The following MAPK10 variants were observed in gnomAD, a reference collection of about 807,000 sequenced individuals.
MAPK10 encodes JNK3 alpha protein kinase.
In MAPK10, 25 loss-of-function variants were observed where a neutral mutation model predicts 59.3. That is an observed-to-expected ratio of 0.42 (90% confidence interval 0.31 to 0.59). The LOEUF (loss-of-function observed/expected upper bound fraction) is 0.59. MAPK10 is among the 20% of genes least tolerant of loss of function. MAPK10 has a pLI of 0.15. For missense variants in MAPK10, 351 were observed against 568.9 expected (o/e 0.62, Z 3.90); for synonymous variants, 190 against 200.5 (o/e 0.95, Z 0.44).
At chr4:86,422,279 G>GATGA (rs1422878091) in intron 1 of MAPK10, among the ~76,000 whole-genome samples, 1 of 152,154 alleles carries the variant, frequency 6.6e-6, no homozygotes, top group Non-Finnish European at 1.5e-5. Flanking sequence ...TGAATGGATG[G>GATGA]ATGAATGAAT....
At chr4:86,255,956 C>A (rs2093689766) in intron 2 of MAPK10, among the ~76,000 whole-genome samples, 1 of 151,428 alleles carries the variant, frequency 6.6e-6, no homozygotes, top group African/African-American at 2.4e-5. Flanking sequence ...TATAATTATT[C>A]AATTAAAAAA....
chr4:86,491,857 A>T (rs1432652814), intron 1 of MAPK10, among the ~76,000 whole-genome samples: 1 of 151,970 alleles, frequency 6.6e-6, no homozygotes, highest in Non-Finnish European at 1.5e-5. Context: ...TGATTATTTT[A>T]TTTTATTTTT....
intron 1 of MAPK10, among the ~76,000 whole-genome samples, chr4:86,424,970 G>C (rs1252376890): frequency 1.3e-5 from 2 of 152,184 alleles, no homozygotes; most frequent in Non-Finnish European, 2.9e-5. Context: ...GAGCATCTCA[G>C]TGAACTGCCT....
rs17011355 is a variant in MAPK10 at position 86,097,507 on chromosome 4, T to A, written c.802+1017A>T. 7.2e-4 allele frequency among the ~76,000 whole-genome samples: 110 copies of A among 152,146 alleles called. 3 individuals are homozygous for A. In the East Asian group the frequency reaches 0.02, roughly 28 times the overall value. ...TTTCTTATCAATCAAATAGAATGGT[T>A]AATAGAGTTATGGGTCACATGGTTA... On this transcript the variant is annotated intron_variant, in intron 9 of 13. Coordinates refer to ENST00000641462, the MANE Select transcript of MAPK10 (RefSeq NM_138982.4).
At position 86,458,229 on chromosome 4, in the gene MAPK10, G is replaced by T. The variant is rs1300584227; in HGVS notation, c.-262-103585C>A. Among the ~76,000 whole-genome samples the T allele has an allele frequency of 2.0e-5, 3 of 152,196 alleles. No homozygotes were observed. In the East Asian group the frequency reaches 5.8e-4, roughly 29 times the overall value. ...GCAGGAGAATTGCTTGAACCTGGGA[G>T]GTGGAGGTTGCAGTGAGCCAAGATT... is the stretch of plus-strand genomic sequence containing the variant. On this transcript the variant is annotated intron_variant, in intron 1 of 4. Transcript: ENST00000502302.
At position 86,284,715 on chromosome 4, in the gene MAPK10, T is replaced by G. The variant is rs111784937; in HGVS notation, c.-7+69815A>C. On this transcript the variant is annotated intron_variant, in intron 2 of 13. Transcript: ENST00000641462. ...TGATTGTTATCAGAATTATTGTTGC[T>G]GTTGTCATCACTGATTCTGTCTCGA... Among the ~76,000 whole-genome samples the G allele has an allele frequency of 5.8e-3, 890 of 152,372 alleles. 4 individuals carry two copies. Among genetic ancestry groups the G allele is most frequent in the Non-Finnish European group, 0.011 (715 of 68,046 alleles).
chr4:86,301,665 C>G (rs1029757495), intron 2 of MAPK10, among the ~76,000 whole-genome samples: 1 of 152,134 alleles, frequency 6.6e-6, no homozygotes, highest in African/African-American at 2.4e-5. Flanking sequence ...TTATTGAGCA[C>G]TCAATGTGTG....
At chr4:86,189,085 T>A (rs540271141) in intron 3 of MAPK10, among the ~76,000 whole-genome samples, 45 of 152,342 alleles carry the variant, frequency 3.0e-4, no homozygotes, top group Middle Eastern at 3.4e-3. Flanking sequence ...AGGCCTCTGT[T>A]CTGTTCCATT....
chr4:86,163,706 C>A (rs1483913510), intron 3 of MAPK10, among the ~76,000 whole-genome samples: 9 of 152,094 alleles, frequency 5.9e-5, no homozygotes, highest in Admixed American at 5.9e-4. Flanking sequence ...ACAAGTTTCA[C>A]ATTTTGAGAA....
chr4:86,070,498 G>T (rs539034670), intron 9 of MAPK10, among the ~76,000 whole-genome samples: 1 of 149,678 alleles, frequency 6.7e-6, no homozygotes, highest in East Asian at 2.0e-4. Context: ...CCACTAACTC[G>T]TCATCTAGCA....
chr4:86,156,040 T>C (rs536498725), intron 4 of MAPK10, among the ~76,000 whole-genome samples: 13 of 152,108 alleles, frequency 8.5e-5, no homozygotes, highest in Admixed American at 6.5e-4. Flanking sequence ...TTCAGAATGG[T>C]GTACAATTTA....
intron 1 of MAPK10, among the ~76,000 whole-genome samples, chr4:86,565,093 T>C (rs1262892343): frequency 6.6e-6 from 1 of 152,168 alleles, no homozygotes; most frequent in East Asian, 1.9e-4. Context: ...CCATGTTCAC[T>C]CAGAATGTGA....
chr4:86,303,787 C>T (rs1037545846), intron 2 of MAPK10, among the ~76,000 whole-genome samples: 1 of 152,158 alleles, frequency 6.6e-6, no homozygotes, highest in African/African-American at 2.4e-5. Flanking sequence ...AGATTTATAA[C>T]CGCTACTGGA....
intron 1 of MAPK10, among the ~76,000 whole-genome samples, chr4:86,390,493 G>A (rs1181632609): frequency 6.6e-6 from 1 of 152,172 alleles, no homozygotes; most frequent in Non-Finnish European, 1.5e-5. Context: ...TTTGAGCTAG[G>A]GTAGGGGCTT....
chr4:86,135,838 A>G (rs1329124236), intron 4 of MAPK10, among the ~76,000 whole-genome samples: 1 of 152,234 alleles, frequency 6.6e-6, no homozygotes, highest in Non-Finnish European at 1.5e-5. Context: ...AGAAGTGCTT[A>G]AAGGAGCTGA....
At chr4:86,297,814 C>T (rs2095396652) in intron 2 of MAPK10, among the ~76,000 whole-genome samples, 1 of 152,188 alleles carries the variant, frequency 6.6e-6, no homozygotes, top group African/African-American at 2.4e-5. Flanking sequence ...CTGGTCACAT[C>T]ATTTCCCTCT....
At chr4:86,049,350 T>C (rs1311698563) in intron 11 of MAPK10, among the ~76,000 whole-genome samples, 1 of 151,972 alleles carries the variant, frequency 6.6e-6, no homozygotes, top group Non-Finnish European at 1.5e-5. Flanking sequence ...GCTCCTACTT[T>C]TTAATGTATT....
chr4:86,267,798 TA>T (rs553957479), intron 2 of MAPK10, among the ~76,000 whole-genome samples: 15 of 151,658 alleles, frequency 9.9e-5, no homozygotes, highest in South Asian at 2.1e-4. Flanking sequence ...TGATCTCACT[TA>T]AAAAAAAATT....
intron 3 of MAPK10, among the ~76,000 whole-genome samples, chr4:86,182,474 A>T (rs1420328957): frequency 1.3e-5 from 2 of 152,112 alleles, no homozygotes; most frequent in Non-Finnish European, 2.9e-5. Context: ...AATTATTGAC[A>T]AGTTTTTTAA....
Sources: gnomAD v4.1 joint callset for allele counts (sites outside exome capture counted in the v4.1 genomes callset) on GRCh38, gnomAD v4.1.1 for gene constraint, MANE v1.5 for transcripts, NCBI Gene and HGNC (gene_info 2026-07-23, HGNC 2026-07-21) for gene names.